The following KDM4B variants were observed in gnomAD, a reference collection of about 807,000 sequenced individuals.
KDM4B encodes lysine demethylase 4B.
Under a neutral mutation model 125.2 loss-of-function variants are expected in KDM4B, and 32 were observed. That is an observed-to-expected ratio of 0.26 (90% CI 0.19 to 0.34). The LOEUF is 0.34. Ranked by LOEUF, KDM4B falls within the 10% of genes least tolerant of loss-of-function variation. The pLI is 1.00. For synonymous variants in KDM4B, 721 were observed against 677.9 expected (o/e 1.06, Z -0.99); for missense variants, 1,190 against 1,577.7 (o/e 0.75, Z 4.16).
chr19:5,133,884 G>A lies in KDM4B; in HGVS notation c.1908G>A (p.Glu636=), dbSNP rs2039601741. The A allele has an allele frequency of 1.9e-6, 3 of 1,612,868 alleles. No individual in the cohort carries two copies. Among genetic ancestry groups the A allele is most frequent in the Admixed American group, 1.7e-5 (1 of 59,978 alleles). ...TCCCTCTCCCCTCTGTTCTTCTAGAGGCATCCCCTTTCTCCGGGGAGGAAG... is the reference window on the plus strand; with the variant it reads ...TCCCTCTCCCCTCTGTTCTTCTAGAAGCATCCCCTTTCTCCGGGGAGGAAG... ...VVKQEASSDE[E]ASPFSGEEDV... is the part of the protein sequence containing the mutation. The change falls in exon 14 of 23, where the codon GAG becomes GAA. Residue 636 remains glutamate (E), a splice_region_variant and synonymous_variant. Transcript: ENST00000159111.
chr19:5,054,900 C>G (rs1456234554), intron 6 of KDM4B, among the ~76,000 whole-genome samples: 1 of 152,254 alleles, frequency 6.6e-6, no homozygotes, highest in East Asian at 1.9e-4. Context: ...CGCCATCAGC[C>G]CAGGCCTGCT....
At position 5,143,998 on chromosome 19, in the gene KDM4B, A is replaced by G; in HGVS notation, c.2582A>G (p.Lys861Arg). The change falls in exon 19 of 23, where the codon AAG (lysine) becomes AGG (arginine). Residue 861 changes from lysine to arginine, a missense_variant. Transcript: ENST00000159111. The stretch of plus-strand genomic sequence containing the variant: ...GTGTACTGCCGGAAGCGGATGAAGA[A>G]GGTGTCAGGTGCCTGTATCCAGTGC... The part of the protein sequence containing the change: ...KCVYCRKRMK[K>R]VSGACIQCSY... 2 of 1,587,840 alleles carry G rather than the reference A, an allele frequency of 1.3e-6. No individual in the cohort carries two copies. Among genetic ancestry groups the G allele is most frequent in the Non-Finnish European group, 1.7e-6 (2 of 1,158,970 alleles).
At position 4,973,835 on chromosome 19, in the gene KDM4B, A is replaced by C. The variant is rs78200135; in HGVS notation, c.-109+4605A>C. On this transcript the variant is annotated intron_variant, in intron 1 of 22. Coordinates refer to ENST00000159111, the MANE Select transcript of KDM4B (RefSeq NM_015015.3). ...GAAACAAAGCATATTAAAAAAAAAA[A>C]AAAAAAAAAACTGGCTGGGTGCGGT... Among the ~76,000 whole-genome samples, 88 of 149,816 alleles carry C rather than the reference A, an allele frequency of 5.9e-4. No individual in the cohort carries two copies. In the South Asian group the frequency reaches 0.017, roughly 30 times the overall value.
At chr19:5,013,906 C>A (rs1329481047) in intron 1 of KDM4B, among the ~76,000 whole-genome samples, 1 of 152,162 alleles carries the variant, frequency 6.6e-6, no homozygotes, top group South Asian at 2.1e-4. Context: ...TAGGCCTGGG[C>A]AGGTGGGAGA....
chr19:5,119,304 TG>T, intron 10 of KDM4B: 1 of 975,418 alleles, frequency 1.0e-6, no homozygotes, highest in Non-Finnish European at 1.5e-6. Flanking sequence ...CCTGTGTCTC[TG>T]TCCCGTGGCA....
intron 6 of KDM4B, among the ~76,000 whole-genome samples, chr19:5,056,405 C>CT (rs941745686): frequency 0.031 from 4,281 of 136,294 alleles, 115 homozygotes; most frequent in African/African-American, 0.066. Context: ...CCCTTTCTTT[C>CT]TTTTTTTTTT....
chr19:5,012,418 A>C (rs905635823), intron 1 of KDM4B, among the ~76,000 whole-genome samples: 21 of 151,668 alleles, frequency 1.4e-4, no homozygotes, highest in African/African-American at 4.8e-4. Context: ...GCTTTCCCCT[A>C]ATGGACTGTT....
intron 2 of KDM4B, among the ~76,000 whole-genome samples, chr19:5,030,949 T>C (rs2036433719): frequency 6.6e-6 from 1 of 152,224 alleles, no homozygotes; most frequent in South Asian, 2.1e-4. Flanking sequence ...GGTGACCGCG[T>C]TCTGCCACCC....
chr19:5,090,683 T>C (rs1244596342), intron 9 of KDM4B, among the ~76,000 whole-genome samples: 2 of 19,890 alleles, frequency 1.0e-4, no homozygotes, highest in Non-Finnish European at 2.0e-4. Context: ...AGTACCACCC[T>C]CCATCAAGTG....
chr19:5,015,251 G>A (rs143931217), intron 1 of KDM4B, among the ~76,000 whole-genome samples: 17 of 152,038 alleles, frequency 1.1e-4, no homozygotes, highest in African/African-American at 3.9e-4. Flanking sequence ...GGTTGTGAAA[G>A]TCCTTTTTTT....
chr19:5,144,930 A>G (rs1445121549), intron 21 of KDM4B, 28 bp downstream of exon 21: 2 of 1,612,234 alleles, frequency 1.2e-6, no homozygotes, highest in Non-Finnish European at 1.7e-6. Context: ...CAGCCGCGCC[A>G]TGCCTTCACC....
Position 5,119,830 on chromosome 19 carries a change from C to T in KDM4B, c.1293C>T (p.Gly431=). The T allele has an allele frequency of 1.3e-6, 2 of 1,545,252 alleles. No homozygotes were observed. Among genetic ancestry groups the T allele is most frequent in the Non-Finnish European group, 1.7e-6 (2 of 1,145,494 alleles). Residue 431 remains glycine, a synonymous_variant, in exon 11 of 23, where the codon GGC becomes GGT. Coordinates refer to ENST00000159111, the MANE Select transcript of KDM4B (RefSeq NM_015015.3). ...AGGAGCCGCAGCCACTGCCACACGG[C>T]CGGGAGGCCGAGGGCGCAGAAGGTC... ...EEEEPQPLPH[G]REAEGAEEDG...
At chr19:5,140,879 G>C (rs2039729800) in intron 18 of KDM4B, 1 of 152,244 alleles carries the variant, frequency 6.6e-6, no homozygotes, top group African/African-American at 2.4e-5. Flanking sequence ...GTGGGCCCCT[G>C]GAGGCTGGGC....
chr19:5,025,180 G>A (rs1236843203), intron 2 of KDM4B, among the ~76,000 whole-genome samples: 3 of 152,156 alleles, frequency 2.0e-5, no homozygotes, highest in Middle Eastern at 3.4e-3. Flanking sequence ...CTTGAGCCCC[G>A]AATAAAGAAG....
At chr19:5,015,201 G>A (rs1037477138) in intron 1 of KDM4B, among the ~76,000 whole-genome samples, 19 of 152,146 alleles carry the variant, frequency 1.2e-4, no homozygotes, top group African/African-American at 4.3e-4. Flanking sequence ...GGCACCCACC[G>A]AGCCCCAGGT....
At chr19:5,034,211 T>C (rs767151667) in intron 3 of KDM4B, among the ~76,000 whole-genome samples, 2 of 152,238 alleles carry the variant, frequency 1.3e-5, no homozygotes, top group African/African-American at 2.4e-5. Context: ...CGTGAGTCTC[T>C]GTGTTCGGGT....
chr19:4,991,818 C>A (rs1032269137), intron 1 of KDM4B, among the ~76,000 whole-genome samples: 1 of 152,188 alleles, frequency 6.6e-6, no homozygotes, highest in Admixed American at 6.5e-5. Context: ...TGTAACCTTG[C>A]CCTTTTGAGA....
At chr19:5,014,984 G>T (rs1341657428) in intron 1 of KDM4B, among the ~76,000 whole-genome samples, 4 of 149,838 alleles carry the variant, frequency 2.7e-5, no homozygotes, top group Non-Finnish European at 5.9e-5. Context: ...GACAGAGCGA[G>T]AGTCCGTCTC....
intron 10 of KDM4B, chr19:5,112,989 C>G (rs931711606): frequency 1.3e-5 from 2 of 152,326 alleles, no homozygotes; most frequent in African/African-American, 4.8e-5. Flanking sequence ...GCCAATAAAC[C>G]GGCACCACGT....
Sources: gnomAD v4.1 joint callset for allele counts (sites outside exome capture counted in the v4.1 genomes callset) on GRCh38, gnomAD v4.1.1 for gene constraint, MANE v1.5 for transcripts, NCBI Gene and HGNC (gene_info 2026-07-23, HGNC 2026-07-21) for gene names.